Variants in ITSN1 observed in about 807,000 individuals in gnomAD.
ITSN1 encodes intersectin-1.
A neutral mutation model predicts 239.8 loss-of-function variants in ITSN1; 58 were observed. The observed-to-expected ratio is 0.24, with a 90% CI of 0.20 to 0.30. ITSN1 has a LOEUF of 0.30. ITSN1 is among the 10% of genes least tolerant of loss of function. The pLI, the probability that ITSN1 is intolerant of heterozygous loss-of-function variation, is 1.00. For missense variants in ITSN1, 1,558 were observed against 2,103.3 expected (o/e 0.74, Z 5.07); for synonymous variants, 780 against 770.8 (o/e 1.01, Z -0.20).
chr21:33,847,586 C>A (rs558913496), intron 29 of ITSN1, among the ~76,000 whole-genome samples: 1 of 152,270 alleles, frequency 6.6e-6, no homozygotes, highest in Non-Finnish European at 1.5e-5. Flanking sequence ...AAGCCATAGC[C>A]CATGGCTGGG....
chr21:33,798,291 G>T (rs2071719233), intron 18 of ITSN1, among the ~76,000 whole-genome samples: 1 of 151,420 alleles, frequency 6.6e-6, no homozygotes, highest in African/African-American at 2.4e-5. Flanking sequence ...AGAGATGGGG[G>T]GTCTCACTTT....
At chr21:33,647,264 G>A (rs904065874) in intron 1 of ITSN1, among the ~76,000 whole-genome samples, 3 of 152,196 alleles carry the variant, frequency 2.0e-5, no homozygotes, top group African/African-American at 7.2e-5. Flanking sequence ...TGAAATACCC[G>A]TAAGTCTACT....
In ITSN1 at chr21:33,706,761, TA is replaced by T. The variant is rs1053179907; in HGVS notation, c.-32-12035del. On this transcript the variant is annotated intron_variant, in intron 1 of 39. Coordinates refer to ENST00000381318, the MANE Select transcript of ITSN1 (RefSeq NM_003024.3). The stretch of plus-strand genomic sequence containing the variant: ...GGTTTTATTTGTTTATTTATTTATT[TA>T]TTTTTTTTGGCGTGCTGTTGCACAA... Among the ~76,000 whole-genome samples the T allele has an allele frequency of 6.6e-5, 10 of 152,144 alleles. No homozygotes were observed. The East Asian group carries it at 1.3e-3, about 20-fold the overall frequency.
Position 33,782,755 on chromosome 21 carries a change from G to A in ITSN1, c.1824+622G>A, listed in dbSNP as rs543543571. Among the ~76,000 whole-genome samples the A allele has an allele frequency of 4.5e-4, 68 of 152,324 alleles. 1 individual carries two copies. The Middle Eastern group carries it at 0.017, about 38-fold the overall frequency. The stretch of plus-strand genomic sequence containing the variant: ...GAATGTTAATTCTTGGCCGGGCGTG[G>A]TGGCTCATGCCTGTAATCCCAGCCC... On this transcript the variant is annotated intron_variant, in intron 16 of 39. Transcript: ENST00000381318.
chr21:33,874,787 G>A (rs968395881), intron 33 of ITSN1, among the ~76,000 whole-genome samples: 2 of 151,618 alleles, frequency 1.3e-5, no homozygotes, highest in Non-Finnish European at 1.5e-5. Context: ...TAGCTGGGAC[G>A]ACAGGCATGC....
intron 1 of ITSN1, among the ~76,000 whole-genome samples, chr21:33,654,608 G>A (rs952910083): frequency 3.9e-5 from 6 of 152,098 alleles, no homozygotes; most frequent in Non-Finnish European, 7.4e-5. Context: ...CATTGAACTC[G>A]GGTTGGGCAC....
Position 33,826,126 on chromosome 21 carries a change from G to A in ITSN1, c.3184-692G>A, listed in dbSNP as rs1448108377. Reference sequence around the variant, plus strand: ...TTTAAAATTCCATGAGTATCCCAGAGAGGAATTCAACCCCAGAGCACTTTT... The same window carrying A: ...TTTAAAATTCCATGAGTATCCCAGAAAGGAATTCAACCCCAGAGCACTTTT... On this transcript the variant is annotated intron_variant, in intron 25 of 39. Coordinates refer to ENST00000381318, the MANE Select transcript of ITSN1 (RefSeq NM_003024.3). Among the ~76,000 whole-genome samples, 11 of 152,218 alleles carry A rather than the reference G, an allele frequency of 7.2e-5. No individual in the cohort carries two copies. The South Asian group carries it at 1.7e-3, about 23-fold the overall frequency.
chr21:33,771,981 A>C, intron 11 of ITSN1, 80 bp from the exon 12 acceptor site: 1 of 1,511,742 alleles, frequency 6.6e-7, no homozygotes, highest in Admixed American at 2.0e-5. Context: ...ACAAATTTCA[A>C]ATACATTGGT....
chr21:33,663,072 A>T (rs1275653360), intron 1 of ITSN1, among the ~76,000 whole-genome samples: 3 of 152,240 alleles, frequency 2.0e-5, no homozygotes, highest in Non-Finnish European at 4.4e-5. Context: ...CATCTCAGGC[A>T]TTAGTCTACC....
chr21:33,766,064 A>T (rs1287339619), intron 10 of ITSN1, 52 bp downstream of exon 10: 1 of 1,596,564 alleles, frequency 6.3e-7, no homozygotes, highest in Admixed American at 1.7e-5. Flanking sequence ...TATGAATTCC[A>T]AACTTGGCTT....
In ITSN1 at chr21:33,836,424, A is replaced by G; in HGVS notation, c.3470-17A>G. 1.3e-6 allele frequency: 2 copies of G among 1,570,488 alleles called. No individual in the cohort carries two copies. Among genetic ancestry groups the G allele is most frequent in the Non-Finnish European group, 1.7e-6 (2 of 1,154,336 alleles). ...CCGGCGGGTGTGCAGCCGCTCACCCAGCCCTGTCTCCTGCAGTGTGCCAGG... is the reference window on the plus strand; with the variant it reads ...CCGGCGGGTGTGCAGCCGCTCACCCGGCCCTGTCTCCTGCAGTGTGCCAGG... On this transcript the variant is annotated splice_polypyrimidine_tract_variant and intron_variant, in intron 28 of 39. Coordinates refer to ENST00000381318, the MANE Select transcript of ITSN1 (RefSeq NM_003024.3).
At chr21:33,753,359 G>A (rs989195074) in intron 7 of ITSN1, among the ~76,000 whole-genome samples, 2 of 152,166 alleles carry the variant, frequency 1.3e-5, no homozygotes, top group Non-Finnish European at 2.9e-5. Flanking sequence ...GATGGTGCAT[G>A]AGGAAGCACA....
intron 8 of ITSN1, among the ~76,000 whole-genome samples, chr21:33,761,101 T>C (rs2068286925): frequency 6.6e-6 from 1 of 151,818 alleles, no homozygotes; most frequent in Admixed American, 6.6e-5. Flanking sequence ...ATTGAGACAG[T>C]GTCTCACTCT....
At chr21:33,683,354 A>T (rs186842798) in intron 1 of ITSN1, among the ~76,000 whole-genome samples, 12 of 152,338 alleles carry the variant, frequency 7.9e-5, no homozygotes, top group African/African-American at 2.6e-4. Flanking sequence ...TGAGTCATTC[A>T]AGAACCAAGC....
chr21:33,875,075 A>T (rs1983492349), intron 33 of ITSN1, among the ~76,000 whole-genome samples: 1 of 152,224 alleles, frequency 6.6e-6, no homozygotes, highest in Admixed American at 6.5e-5. Context: ...GACAGATCAC[A>T]TAGCTTGCCC....
In ITSN1 at chr21:33,853,236, T is replaced by C. The variant is rs541510895; in HGVS notation, c.3662-3500T>C. Among the ~76,000 whole-genome samples, 546 of 152,326 alleles carry C rather than the reference T, an allele frequency of 3.6e-3. 3 individuals carry two copies. The highest frequency in any genetic ancestry group is 0.013 in the African/African-American group (529 of 41,574). On this transcript the variant is annotated intron_variant, in intron 29 of 39. Transcript: ENST00000381318. ...CCCTGTCTCCAGGCAGGGTGGTAGGTGGACCTGCGAGAGGTGGAATTTGGT... is the reference window on the plus strand; with the variant it reads ...CCCTGTCTCCAGGCAGGGTGGTAGGCGGACCTGCGAGAGGTGGAATTTGGT...
intron 33 of ITSN1, among the ~76,000 whole-genome samples, chr21:33,871,359 C>A (rs751985932): frequency 6.0e-5 from 9 of 149,460 alleles, no homozygotes; most frequent in Non-Finnish European, 1.2e-4. Context: ...ATGCATTTTG[C>A]AAGAAGAGGG....
chr21:33,878,050 G>A (rs1984292558), intron 34 of ITSN1, among the ~76,000 whole-genome samples: 1 of 149,094 alleles, frequency 6.7e-6, no homozygotes, highest in South Asian at 2.1e-4. Context: ...GTGTGTGTTT[G>A]TTTTAGTCAG....
intron 4 of ITSN1, among the ~76,000 whole-genome samples, chr21:33,731,170 C>T (rs1025671113): frequency 2.6e-5 from 4 of 152,150 alleles, no homozygotes; most frequent in Admixed American, 6.5e-5. Flanking sequence ...GTTTCTTCTC[C>T]TCACCCATGA....
Sources: allele counts gnomAD v4.1 joint callset (sites outside exome capture counted in the v4.1 genomes callset), GRCh38; gene constraint gnomAD v4.1.1; transcripts MANE v1.5; gene names NCBI Gene and HGNC (gene_info 2026-07-23, HGNC 2026-07-21).